RYR2: variants seen among roughly 807,000 people sequenced by gnomAD.
RYR2 encodes cardiac muscle ryanodine receptor-calcium release channel.
In RYR2, 227 loss-of-function variants were observed where a neutral mutation model predicts 601.1. The observed-to-expected ratio is 0.38, with a 90% CI of 0.34 to 0.42. The LOEUF is 0.42. RYR2 is among the 10% of genes least tolerant of loss of function. The pLI is 1.00. For synonymous variants in RYR2, 2,223 were observed against 2,175.1 expected, an observed-to-expected ratio of 1.02 and a Z score of -0.61; for missense variants, 4,646 against 6,156.5, an observed-to-expected ratio of 0.75 and a Z score of 8.21.
At chr1:237,556,080 A>G (rs1409401349) in intron 27 of RYR2, among the ~76,000 whole-genome samples, 2 of 152,262 alleles carry the variant, frequency 1.3e-5, no homozygotes, top group South Asian at 4.1e-4. Flanking sequence ...ACAGTGTTTT[A>G]TACTATTTGT....
intron 1 of RYR2, among the ~76,000 whole-genome samples, chr1:237,065,003 C>T (rs1003429215): frequency 6.6e-6 from 1 of 151,940 alleles, no homozygotes; most frequent in Non-Finnish European, 1.5e-5. Context: ...CACGTAACAT[C>T]GTATTGTGTG....
intron 101 of RYR2, among the ~76,000 whole-genome samples, chr1:237,822,895 C>T (rs1250450729): frequency 6.6e-6 from 1 of 152,130 alleles, no homozygotes; most frequent in Non-Finnish European, 1.5e-5. Context: ...ATTCTAGTCT[C>T]TGATAGAACA....
chr1:237,314,196 C>T (rs1315462863), intron 2 of RYR2, among the ~76,000 whole-genome samples: 2 of 151,608 alleles, frequency 1.3e-5, no homozygotes, highest in Admixed American at 6.6e-5. Flanking sequence ...TCCCGAGTAG[C>T]TGGGACTACA....
At chr1:237,441,757 G>A (rs951736640) in intron 13 of RYR2, among the ~76,000 whole-genome samples, 5 of 151,888 alleles carry the variant, frequency 3.3e-5, no homozygotes, top group African/African-American at 1.2e-4. Flanking sequence ...GTTTAGTACC[G>A]TTCACTTTGT....
At chr1:237,055,963 C>T (rs192697749) in intron 1 of RYR2, among the ~76,000 whole-genome samples, 56 of 149,126 alleles carry the variant, frequency 3.8e-4, no homozygotes, top group Non-Finnish European at 6.0e-5. Flanking sequence ...GACTGGAGAC[C>T]GTACTTGAGA....
intron 19 of RYR2, among the ~76,000 whole-genome samples, chr1:237,493,902 T>A (rs1018175249): frequency 2.0e-5 from 3 of 152,222 alleles, no homozygotes; most frequent in African/African-American, 7.2e-5. Context: ...ATGTGCCAGC[T>A]GTGGCGCTAA....
At chr1:237,769,935 T>C (rs1694144316) in intron 84 of RYR2, among the ~76,000 whole-genome samples, 1 of 152,140 alleles carries the variant, frequency 6.6e-6, no homozygotes, top group African/African-American at 2.4e-5. Flanking sequence ...TTCCTTGTGT[T>C]TTTGCTTTCA....
At chr1:237,370,973 A>G (rs1445749226) in intron 6 of RYR2, among the ~76,000 whole-genome samples, 1 of 150,810 alleles carries the variant, frequency 6.6e-6, no homozygotes, top group Non-Finnish European at 1.5e-5. Flanking sequence ...TTCCATTCTT[A>G]TAAGAGCTTT....
At chr1:237,133,036 A>G (rs1261901089) in intron 1 of RYR2, among the ~76,000 whole-genome samples, 1 of 152,290 alleles carries the variant, frequency 6.6e-6, no homozygotes, top group East Asian at 1.9e-4. Context: ...ATGATGGCTG[A>G]TTGACATGCT....
Position 237,626,307 on chromosome 1 carries a change from T to C in RYR2, c.6166+503T>C, listed in dbSNP as rs967302078. Among the ~76,000 whole-genome samples, 9 of 152,244 alleles carry C rather than the reference T, an allele frequency of 5.9e-5. No individual in the cohort carries two copies. The South Asian group carries it at 1.9e-3, about 32-fold the overall frequency. On this transcript the variant is annotated intron_variant, in intron 40 of 104. Coordinates refer to ENST00000366574, the MANE Select transcript of RYR2 (RefSeq NM_001035.3). ...AGTGCCTTGGGCACAGCACTCTGAG[T>C]AGGTCTGAGGGATCCAGCCTACTTT...
At chr1:237,570,390 G>C (rs1449620460) in intron 29 of RYR2, among the ~76,000 whole-genome samples, 1 of 149,598 alleles carries the variant, frequency 6.7e-6, no homozygotes, top group African/African-American at 2.5e-5. Flanking sequence ...CCGGGCTGGA[G>C]TTCAGTGGCG....
intron 48 of RYR2, among the ~76,000 whole-genome samples, chr1:237,646,492 A>G (rs1176095010): frequency 6.6e-6 from 1 of 152,094 alleles, no homozygotes; most frequent in East Asian, 1.9e-4. Context: ...TCTCCTTTTC[A>G]ATGACAACTC....
chr1:237,043,040 T>C (rs1180715977), intron 1 of RYR2, among the ~76,000 whole-genome samples: 2 of 152,150 alleles, frequency 1.3e-5, no homozygotes, highest in Non-Finnish European at 2.9e-5. Context: ...TCTTGGGCTT[T>C]CGGGCTGGAC....
At chr1:237,557,331 T>C (rs933796531) in intron 27 of RYR2, among the ~76,000 whole-genome samples, 10 of 152,202 alleles carry the variant, frequency 6.6e-5, no homozygotes, top group Non-Finnish European at 1.3e-4. Context: ...CCCACACTTT[T>C]TGAATGGAGG....
chr1:237,463,750 G>A (rs905460020), intron 16 of RYR2, among the ~76,000 whole-genome samples: 1 of 152,058 alleles, frequency 6.6e-6, no homozygotes, highest in Non-Finnish European at 1.5e-5. Context: ...TTTAGGGAGG[G>A]ACATTTGTCT....
chr1:237,546,020 G>A (rs923444295), intron 25 of RYR2, among the ~76,000 whole-genome samples: 1 of 150,024 alleles, frequency 6.7e-6, no homozygotes, highest in Non-Finnish European at 1.5e-5. Context: ...TAAAATAAAA[G>A]AAAATACTTT....
chr1:237,107,240 A>G (rs759495570), intron 1 of RYR2, among the ~76,000 whole-genome samples: 1 of 152,122 alleles, frequency 6.6e-6, no homozygotes, highest in Non-Finnish European at 1.5e-5. Flanking sequence ...TATGAGCCCC[A>G]CTTAGGAGTT....
chr1:237,523,014 A>G (rs967741623), intron 24 of RYR2, among the ~76,000 whole-genome samples: 1 of 152,186 alleles, frequency 6.6e-6, no homozygotes, highest in Non-Finnish European at 1.5e-5. Flanking sequence ...GAGTTAAACA[A>G]TGTTAAATCA....
intron 76 of RYR2, 39 bp downstream of exon 76, chr1:237,727,238 T>C (rs759066254): frequency 1.8e-5 from 18 of 997,910 alleles, no homozygotes; most frequent in Non-Finnish European, 1.8e-5. Flanking sequence ...ATCAATGTTA[T>C]TTTTTCCTAG....
Sources: allele counts gnomAD v4.1 joint callset (sites outside exome capture counted in the v4.1 genomes callset), GRCh38; gene constraint gnomAD v4.1.1; transcripts MANE v1.5; gene names NCBI Gene and HGNC (gene_info 2026-07-23, HGNC 2026-07-21).